The following SLC1A7 variants were observed in gnomAD, a reference collection of about 807,000 sequenced individuals.
SLC1A7 encodes excitatory amino acid transporter 5.
In SLC1A7, 40 loss-of-function variants were observed where a neutral mutation model predicts 47.7. The observed-to-expected ratio is 0.84, with a 90% confidence interval of 0.65 to 1.09. SLC1A7 has a LOEUF of 1.09. Among genes scored for constraint, SLC1A7 ranks in the 50% least tolerant of loss-of-function variants. The probability of loss-of-function intolerance (pLI) is 0.00; values close to 1 mark genes in which losing one functional copy is unlikely to be tolerated. For missense variants in SLC1A7, 746 were observed against 769.5 expected (o/e 0.97, Z 0.36); for synonymous variants, 323 against 325.6 (o/e 0.99, Z 0.09).
chr1:53,092,454 G>T, intron 7 of SLC1A7, 100 bp downstream of exon 7: 2 of 864,528 alleles, frequency 2.3e-6, no homozygotes, highest in African/African-American at 1.7e-5. Context: ...CCACACTGGC[G>T]TTTTGGTGGT....
Position 53,142,349 on chromosome 1 carries a change from C to T in SLC1A7, c.101G>A (p.Gly34Asp), listed in dbSNP as rs1645066456. The part of the protein sequence containing the change: ...VLSVIVGCLL[G>D]FFLRTRRLSP... ...GAGGCGCCGGGTCCTCAAGAAGAAG[C>T]CGAGGAGGCAGCCCACGATGACAGA... Residue 34 changes from glycine (G) to aspartate (D), a missense_variant, in exon 1 of 11, where the codon GGC (glycine) becomes GAC (aspartate). By Grantham distance (94) the Gly-to-Asp change is moderately conservative. Transcript: ENST00000371494. The T allele has an allele frequency of 1.3e-6, 2 of 1,575,628 alleles. No individual in the cohort carries two copies. The highest frequency in any genetic ancestry group is 3.7e-5 in the Admixed American group (2 of 54,360).
intron 1 of SLC1A7, among the ~76,000 whole-genome samples, chr1:53,141,548 T>C (rs1645056601): frequency 6.6e-6 from 1 of 151,990 alleles, no homozygotes; most frequent in Non-Finnish European, 1.5e-5. Flanking sequence ...AGGGGCTCTT[T>C]CCCAGGAAAC....
intron 6 of SLC1A7, 80 bp downstream of exon 6, chr1:53,093,381 G>C (rs918532411): frequency 6.2e-6 from 7 of 1,135,992 alleles, no homozygotes; most frequent in Middle Eastern, 1.9e-4. Context: ...CTCACTTTAC[G>C]GGAGAAGAGG....
At position 53,098,730 on chromosome 1, in the gene SLC1A7, C is replaced by T. The variant is rs114306654; in HGVS notation, c.697+4616G>A. 6.8e-3 allele frequency among the ~76,000 whole-genome samples: 1,017 copies of T among 149,946 alleles called. 6 individuals carry two copies. Among genetic ancestry groups the T allele is most frequent in the African/African-American group, 0.023 (949 of 40,686 alleles). ...CTGGCCTCGGTACACTCACACATAC[C>T]GCCTCGATACACTCACATTGCCTCA... On this transcript the variant is annotated intron_variant, in intron 5 of 10. Transcript: ENST00000371494.
chr1:53,110,434 C>T (rs992028098), intron 3 of SLC1A7, among the ~76,000 whole-genome samples: 16 of 143,372 alleles, frequency 1.1e-4, no homozygotes, highest in African/African-American at 3.2e-4. Flanking sequence ...GGGTTGAGAG[C>T]GGGTGGGGTA....
intron 2 of SLC1A7, among the ~76,000 whole-genome samples, chr1:53,128,931 C>T (rs1644910941): frequency 7.1e-6 from 1 of 141,460 alleles, no homozygotes; most frequent in Non-Finnish European, 1.6e-5. Flanking sequence ...GTAATCCTAG[C>T]ACTTTGGGAG....
At chr1:53,127,213 T>G (rs1363553313) in intron 2 of SLC1A7, among the ~76,000 whole-genome samples, 1 of 152,148 alleles carries the variant, frequency 6.6e-6, no homozygotes, top group Non-Finnish European at 1.5e-5. Context: ...CCTCTGCTGC[T>G]TCTTATTCAT....
At chr1:53,104,273 T>C (rs181278007) in intron 4 of SLC1A7, among the ~76,000 whole-genome samples, 113 of 152,310 alleles carry the variant, frequency 7.4e-4, no homozygotes, top group Admixed American at 1.4e-3. Context: ...TGAAATGAAA[T>C]GAGACGATGT....
intron 2 of SLC1A7, among the ~76,000 whole-genome samples, chr1:53,128,763 T>G (rs1438051836): frequency 1.4e-5 from 2 of 141,958 alleles, no homozygotes; most frequent in East Asian, 2.1e-4. Flanking sequence ...ATTAGAACCA[T>G]GAAGATGGAA....
chr1:53,136,435 C>T (rs997928380), intron 1 of SLC1A7, among the ~76,000 whole-genome samples: 8 of 147,424 alleles, frequency 5.4e-5, no homozygotes, highest in African/African-American at 1.2e-4. Context: ...CTTGTTGATC[C>T]GCCCGCCTCG....
chr1:53,122,751 C>T (rs1644839457), intron 2 of SLC1A7, among the ~76,000 whole-genome samples: 1 of 152,156 alleles, frequency 6.6e-6, no homozygotes, highest in Non-Finnish European at 1.5e-5. Flanking sequence ...TCACTACCTT[C>T]TGAGTCAGCC....
In SLC1A7 at chr1:53,115,055, C is replaced by G. The variant is rs539028600; in HGVS notation, c.216-82G>C. The G allele has an allele frequency of 2.0e-5, 21 of 1,051,598 alleles. No individual in the cohort carries two copies. In the African/African-American group the frequency reaches 3.1e-4, roughly 16 times the overall value. 65.1% of individuals were successfully genotyped at this position (1,051,598 alleles called of 1,614,324 possible). On this transcript the variant is annotated intron_variant, in intron 2 of 10. Coordinates refer to ENST00000371494, the MANE Select transcript of SLC1A7 (RefSeq NM_006671.6). ...TCAGCGCTCACTCAGCCCCTCCTGG[C>G]CATGTCCAGCTGCCTCACAGTGCTC... is the stretch of plus-strand genomic sequence containing the variant.
At chr1:53,131,922 TG>T (rs1644945340) in intron 2 of SLC1A7, among the ~76,000 whole-genome samples, 2 of 151,906 alleles carry the variant, frequency 1.3e-5, no homozygotes, top group Admixed American at 1.3e-4. Flanking sequence ...AAGGGGTTGG[TG>T]GGGAGGGCCT....
At chr1:53,095,374 A>T (rs1333258198) in intron 5 of SLC1A7, among the ~76,000 whole-genome samples, 1 of 152,030 alleles carries the variant, frequency 6.6e-6, no homozygotes, top group Non-Finnish European at 1.5e-5. Context: ...GGGCACATAA[A>T]GGCATGAGCA....
chr1:53,091,070 G>C lies in SLC1A7; in HGVS notation c.1032-264C>G, dbSNP rs548347068. 68 of 952,024 alleles carry C rather than the reference G, an allele frequency of 7.1e-5. No individual in the cohort carries two copies. The East Asian group carries it at 1.6e-3, about 23-fold the overall frequency. The allele number at this position is 952,024 out of a possible 1,614,324, so 59.0% of individuals were successfully genotyped here. On this transcript the variant is annotated intron_variant, in intron 7 of 10. Transcript: ENST00000371494. ...CTGACCCATGTCACACTGCTGTGCC[G>C]AGGGATATGGAGGTCTGAGCAGCAG...
chr1:53,088,876 C>T lies in SLC1A7; in HGVS notation c.1464+1G>A. 6.2e-7 allele frequency: 1 copy of T among 1,613,246 alleles called. No individual in the cohort carries two copies. The highest frequency in any genetic ancestry group is 1.1e-5 in the South Asian group (1 of 91,072). Reference sequence around the variant, plus strand: ...CAGCCTCTGGATCTCACTGCTCTCACCTCGGTGCCTGTGTCCCGGGCAAAA... The same window carrying T: ...CAGCCTCTGGATCTCACTGCTCTCATCTCGGTGCCTGTGTCCCGGGCAAAA... On this transcript the variant is annotated splice_donor_variant, in intron 10 of 10. Transcript: ENST00000371494. LOFTEE classifies it high-confidence loss of function.
Position 53,119,524 on chromosome 1 carries a change from A to C in SLC1A7, c.216-4551T>G, listed in dbSNP as rs12062869. On this transcript the variant is annotated intron_variant, in intron 2 of 10. Transcript: ENST00000371494. The stretch of plus-strand genomic sequence containing the variant: ...ACACCATGCCTGGCTAATTTTTAAA[A>C]ATTTTTAGTAGAGATGGGGGTATCT... Among the ~76,000 whole-genome samples the C allele has an allele frequency of 1.9e-3, 282 of 152,112 alleles. 1 individual carries two copies. Among genetic ancestry groups the C allele is most frequent in the African/African-American group, 5.8e-3 (240 of 41,488 alleles).
chr1:53,114,728 C>T, intron 3 of SLC1A7, 30 bp downstream of exon 3: 1 of 1,601,826 alleles, frequency 6.2e-7, no homozygotes, highest in Admixed American at 1.7e-5. Flanking sequence ...GCCTGGCGTT[C>T]CCAAGCGGGG....
At chr1:53,123,283 G>T (rs1349131731) in intron 2 of SLC1A7, among the ~76,000 whole-genome samples, 1 of 152,210 alleles carries the variant, frequency 6.6e-6, no homozygotes, top group Non-Finnish European at 1.5e-5. Flanking sequence ...CAGGTCTCCT[G>T]CCTCCCCTCC....
Sources: gnomAD v4.1 joint callset for allele counts (sites outside exome capture counted in the v4.1 genomes callset) on GRCh38, gnomAD v4.1.1 for gene constraint, MANE v1.5 for transcripts, NCBI Gene and HGNC (gene_info 2026-07-23, HGNC 2026-07-21) for gene names.